The following AGAP1 variants were observed in gnomAD, a reference collection of about 807,000 sequenced individuals.
AGAP1 encodes ArfGAP with GTPase domain, ankyrin repeat and PH domain 1, also known as arf-GAP with GTPase, ANK repeat and PH domain-containing protein 1.
AGAP1 carries 29 observed loss-of-function variants against 105.3 expected under a neutral mutation model. The ratio of observed to expected loss-of-function variants is 0.28; its 90% CI spans 0.21 to 0.38. AGAP1 has a LOEUF of 0.38. Among genes scored for constraint, AGAP1 ranks in the 10% least tolerant of loss-of-function variants. AGAP1 has a pLI of 1.00. For missense variants in AGAP1, 998 were observed against 1,165.1 expected (o/e 0.86, Z 2.09); for synonymous variants, 509 against 485.9 (o/e 1.05, Z -0.63).
chr2:236,084,145 G>A (rs1559259404), intron 16 of AGAP1, among the ~76,000 whole-genome samples: 1 of 151,986 alleles, frequency 6.6e-6, no homozygotes, highest in East Asian at 1.9e-4. Context: ...GTTCCCTCCT[G>A]TCTTGGAGTG....
intron 1 of AGAP1, among the ~76,000 whole-genome samples, chr2:235,604,229 T>G (rs552009391): frequency 3.9e-4 from 59 of 152,284 alleles, no homozygotes; most frequent in African/African-American, 1.4e-3. Flanking sequence ...CTGGTAATAC[T>G]GGCACTTTGG....
chr2:236,027,123 A>G lies in AGAP1; in HGVS notation c.1646-9438A>G, dbSNP rs973532523. Among the ~76,000 whole-genome samples, 1 of 152,168 alleles carries G rather than the reference A, an allele frequency of 6.6e-6. No homozygotes were observed. The highest frequency in any genetic ancestry group is 2.4e-5 in the African/African-American group (1 of 41,430). On this transcript the variant is annotated intron_variant, in intron 13 of 17. Transcript: ENST00000304032. This position sits in a 1 kb window ranked among gnomAD's most constrained non-coding sequence, Gnocchi z 4.4. ...TCTTCCTGGAAGTTGTAACATGACT[A>G]TGCAGTTGCTCTATAATCCTTGTAC...
At chr2:235,686,618 TAG>T (rs61705823) in intron 1 of AGAP1, among the ~76,000 whole-genome samples, 35,692 of 80,078 alleles carry the variant, frequency 0.45, 8,885 homozygotes, top group African/African-American at 0.69. Context: ...CGTGGAGATA[TAG>T]ATATATATAT....
rs549232765 is a variant in AGAP1, at chr2:235,799,555, C to T, written c.957+33C>T. 43 of 1,607,154 alleles carry T rather than the reference C, an allele frequency of 2.7e-5. No homozygotes were observed. Among genetic ancestry groups the T allele is most frequent in the East Asian group, 1.6e-4 (7 of 44,750 alleles). On this transcript the variant is annotated intron_variant, in intron 8 of 17. Coordinates refer to ENST00000304032, the MANE Select transcript of AGAP1 (RefSeq NM_001037131.3). The surrounding 1 kb of genome is among the most constrained non-coding windows in gnomAD (Gnocchi z 5.0). ...TCAACCCTGGGTGGAGATTTGAATG[C>T]GATTCCGAAGCGTTCCCATTAACGT...
chr2:235,537,607 G>A (rs1243017387), intron 1 of AGAP1, among the ~76,000 whole-genome samples: 1 of 152,218 alleles, frequency 6.6e-6, no homozygotes, highest in Admixed American at 6.5e-5. Flanking sequence ...AGCTCTCCAT[G>A]TGAAAATGAT....
rs112449633 is a variant in AGAP1, at chr2:235,645,212, A to G, written c.164-63967A>G. Among the ~76,000 whole-genome samples the G allele has an allele frequency of 6.1e-3, 931 of 152,280 alleles. 11 individuals are homozygous for G. The highest frequency in any genetic ancestry group is 0.021 in the African/African-American group (876 of 41,558). On this transcript the variant is annotated intron_variant, in intron 1 of 17. Transcript: ENST00000304032. ...CACCCGGCCAAGGTGTAAGAGTTCTAATCTTAGGCCTTCATTCTGCCATAT... is the reference window on the plus strand; with the variant it reads ...CACCCGGCCAAGGTGTAAGAGTTCTGATCTTAGGCCTTCATTCTGCCATAT...
Position 236,036,416 on chromosome 2 carries a change from C to T in AGAP1, c.1646-145C>T. 1 of 1,078,014 alleles carries T rather than the reference C, an allele frequency of 9.3e-7. No individual in the cohort carries two copies. The highest frequency in any genetic ancestry group is 1.5e-5 in the South Asian group (1 of 64,694). The allele number at this position is 1,078,014 out of a possible 1,614,324, so 66.8% of individuals were successfully genotyped here. A position where few individuals can be genotyped will look rare whatever the true frequency, so the allele number is the denominator to read the frequency against. ...TTGGGAGGTGCATGGATTCAAATCT[C>T]CGCCGCCGTGGTTGTCCAGTGCCGT... On this transcript the variant is annotated intron_variant, in intron 13 of 17. Coordinates refer to ENST00000304032, the MANE Select transcript of AGAP1 (RefSeq NM_001037131.3). The surrounding 1 kb of genome is among the most constrained non-coding windows in gnomAD (Gnocchi z 5.7).
rs140608801 is a variant in AGAP1, at chr2:235,961,537, G to A, written c.1484-6925G>A. On this transcript the variant is annotated intron_variant, in intron 12 of 17. Transcript: ENST00000304032. This position sits in a 1 kb window ranked among gnomAD's most constrained non-coding sequence, Gnocchi z 5.9. The stretch of plus-strand genomic sequence containing the variant: ...AGCAGTGCAGAGGGACAGGCCCTAG[G>A]GAGTTGTGCTTTAAAGAAGGGCAGG... 2.3e-3 allele frequency among the ~76,000 whole-genome samples: 352 copies of A among 152,292 alleles called. 3 individuals are homozygous for A. Among genetic ancestry groups the A allele is most frequent in the African/African-American group, 8.2e-3 (339 of 41,552 alleles).
rs1398848563 is a variant in AGAP1, at chr2:235,842,404, G to T, written c.1050+35073G>T. 6.6e-6 allele frequency among the ~76,000 whole-genome samples: 1 copy of T among 152,194 alleles called. No homozygotes were observed. Among genetic ancestry groups the T allele is most frequent in the African/African-American group, 2.4e-5 (1 of 41,440 alleles). ...GACATGTTCACAGCGCATTGCCGTTGTCCCAGATAATTGAATAGGTTGTTT... is the reference window on the plus strand; with the variant it reads ...GACATGTTCACAGCGCATTGCCGTTTTCCCAGATAATTGAATAGGTTGTTT... On this transcript the variant is annotated intron_variant, in intron 9 of 17. Transcript: ENST00000304032. The surrounding 1 kb of genome is among the most constrained non-coding windows in gnomAD (Gnocchi z 5.3).
intron 17 of AGAP1, among the ~76,000 whole-genome samples, chr2:236,122,017 T>C (rs2059911943): frequency 6.8e-6 from 1 of 146,932 alleles, no homozygotes; most frequent in African/African-American, 2.5e-5. Flanking sequence ...AGTGGCACAA[T>C]CATAGCCCAC....
At chr2:235,640,427 G>A (rs560145857) in intron 1 of AGAP1, among the ~76,000 whole-genome samples, 2 of 152,298 alleles carry the variant, frequency 1.3e-5, no homozygotes, top group African/African-American at 2.4e-5. Context: ...AGAAAAAGAA[G>A]GAAGCATGCA....
At position 235,874,060 on chromosome 2, in the gene AGAP1, G is replaced by C. The variant is rs1159837721; in HGVS notation, c.1051-9285G>C. Among the ~76,000 whole-genome samples, 4 of 151,536 alleles carry C rather than the reference G, an allele frequency of 2.6e-5. No individual in the cohort carries two copies. ...CGCATTCTGTTTTTTGTTTTGTTTT[G>C]TTTTTGTTTTTGTTTTGAGACAGGG... is the stretch of plus-strand genomic sequence containing the variant. On this transcript the variant is annotated intron_variant, in intron 9 of 17. Coordinates refer to ENST00000304032, the MANE Select transcript of AGAP1 (RefSeq NM_001037131.3). This position sits in a 1 kb window ranked among gnomAD's most constrained non-coding sequence, Gnocchi z 4.5.
In AGAP1 at chr2:235,662,623, C is replaced by T. The variant is rs1426127213; in HGVS notation, c.164-46556C>T. Among the ~76,000 whole-genome samples the T allele has an allele frequency of 6.6e-6, 1 of 151,522 alleles. No homozygotes were observed. The highest frequency in any genetic ancestry group is 2.4e-5 in the African/African-American group (1 of 41,180). Reference sequence around the variant, plus strand: ...CTGGGTTCAAGCGATTTTTCTGCCTCAGCCTCCCAAGTAGCTGGGATTACA... The same window carrying T: ...CTGGGTTCAAGCGATTTTTCTGCCTTAGCCTCCCAAGTAGCTGGGATTACA... On this transcript the variant is annotated intron_variant, in intron 1 of 17. Coordinates refer to ENST00000304032, the MANE Select transcript of AGAP1 (RefSeq NM_001037131.3). The surrounding 1 kb of genome is among the most constrained non-coding windows in gnomAD (Gnocchi z 4.2).
intron 1 of AGAP1, among the ~76,000 whole-genome samples, chr2:235,514,700 A>G (rs1045637469): frequency 1.3e-5 from 2 of 152,208 alleles, no homozygotes; most frequent in African/African-American, 4.8e-5. Flanking sequence ...TGGCCTGTGC[A>G]CTTTGCTGTG....
rs999969602 is a variant in AGAP1, at chr2:236,035,264, A to T, written c.1646-1297A>T. On this transcript the variant is annotated intron_variant, in intron 13 of 17. Coordinates refer to ENST00000304032, the MANE Select transcript of AGAP1 (RefSeq NM_001037131.3). The surrounding 1 kb of genome is among the most constrained non-coding windows in gnomAD (Gnocchi z 4.2). The stretch of plus-strand genomic sequence containing the variant: ...TAATAGTTGCTCGCCAGGGGATTAT[A>T]ATGCAGCTAGTTCACAGGCCAGGGC... 1.3e-5 allele frequency among the ~76,000 whole-genome samples: 2 copies of T among 152,200 alleles called. No individual in the cohort carries two copies. The highest frequency in any genetic ancestry group is 4.8e-5 in the African/African-American group (2 of 41,444).
chr2:235,597,480 C>G (rs1001767180), intron 1 of AGAP1, among the ~76,000 whole-genome samples: 1 of 152,196 alleles, frequency 6.6e-6, no homozygotes, highest in African/African-American at 2.4e-5. Flanking sequence ...TCCCTGTCTC[C>G]TGAGCTTCAG....
rs1011947986 is a variant in AGAP1, at chr2:235,913,266, ATG to A, written c.1324+4367_1324+4368del. Among the ~76,000 whole-genome samples, 296 of 152,060 alleles carry A rather than the reference ATG, an allele frequency of 1.9e-3. 2 individuals carry two copies. The highest frequency in any genetic ancestry group is 6.9e-3 in the African/African-American group (287 of 41,478). ...CCTTAAAAAATATATGTATGTGTTTATGTGTGTGAATATATGTATATGCATAT... is the reference window on the plus strand; with the variant it reads ...CCTTAAAAAATATATGTATGTGTTTATGTGTGAATATATGTATATGCATAT... On this transcript the variant is annotated intron_variant, in intron 11 of 17. Coordinates refer to ENST00000304032, the MANE Select transcript of AGAP1 (RefSeq NM_001037131.3).
At chr2:235,986,915 A>G (rs2055337592) in intron 13 of AGAP1, among the ~76,000 whole-genome samples, 1 of 152,042 alleles carries the variant, frequency 6.6e-6, no homozygotes, top group South Asian at 2.1e-4. Context: ...TTCATCAGGG[A>G]TATTTGCCTG....
intron 1 of AGAP1, among the ~76,000 whole-genome samples, chr2:235,563,433 C>G (rs1386569032): frequency 1.3e-5 from 2 of 152,238 alleles, no homozygotes; most frequent in Admixed American, 1.3e-4. Context: ...GCCCCACTTT[C>G]CTCTGCCCAG....
Sources: allele counts gnomAD v4.1 joint callset (sites outside exome capture counted in the v4.1 genomes callset), GRCh38; gene constraint gnomAD v4.1.1; non-coding constraint Gnocchi (gnomAD v3.1); transcripts MANE v1.5; gene names NCBI Gene and HGNC (gene_info 2026-07-23, HGNC 2026-07-21).